Variants in HCN1 observed in about 807,000 individuals in gnomAD.
The protein encoded by HCN1 is hyperpolarization activated cyclic nucleotide gated potassium channel 1.
HCN1 carries 13 observed loss-of-function variants against 78.9 expected under a neutral mutation model. The ratio of observed to expected loss-of-function variants is 0.16; its 90% confidence interval spans 0.11 to 0.26. The LOEUF (loss-of-function observed/expected upper bound fraction) is 0.26, where lower values mean the gene tolerates loss of function less well. HCN1 is among the 10% of genes least tolerant of loss of function. The probability of loss-of-function intolerance (pLI) is 1.00; values close to 1 mark genes in which losing one functional copy is unlikely to be tolerated. For missense variants in HCN1, 810 were observed against 1,154.3 expected (o/e 0.70, Z 4.32); for synonymous variants, 552 against 455.5 (o/e 1.21, Z -2.70).
At chr5:45,375,138 A>G (rs1191972598) in intron 4 of HCN1, among the ~76,000 whole-genome samples, 1 of 121,082 alleles carries the variant, frequency 8.3e-6, no homozygotes. Context: ...AATATATTTT[A>G]TAATATATAA....
At chr5:45,437,868 A>T (rs1740587472) in intron 3 of HCN1, among the ~76,000 whole-genome samples, 1 of 152,204 alleles carries the variant, frequency 6.6e-6, no homozygotes, top group Non-Finnish European at 1.5e-5. Context: ...CTTCTGACAG[A>T]GTCAGTACAG....
At chr5:45,314,398 T>C (rs1308623386) in intron 5 of HCN1, among the ~76,000 whole-genome samples, 1 of 152,114 alleles carries the variant, frequency 6.6e-6, no homozygotes, top group Non-Finnish European at 1.5e-5. Context: ...GTACCAGCCA[T>C]TGCAAAAACA....
chr5:45,367,118 G>T (rs1747253531), intron 4 of HCN1, among the ~76,000 whole-genome samples: 1 of 151,746 alleles, frequency 6.6e-6, no homozygotes, highest in Non-Finnish European at 1.5e-5. Flanking sequence ...GTTATTAGAA[G>T]AAAGTGCAAA....
At chr5:45,622,259 GA>G (rs1745082592) in intron 2 of HCN1, among the ~76,000 whole-genome samples, 1 of 151,734 alleles carries the variant, frequency 6.6e-6, no homozygotes, top group Admixed American at 6.6e-5. Flanking sequence ...AAAAAGAAAA[GA>G]AAGTAAATAA....
intron 6 of HCN1, among the ~76,000 whole-genome samples, chr5:45,280,266 T>C (rs568054526): frequency 3.3e-5 from 5 of 152,158 alleles, no homozygotes; most frequent in East Asian, 1.9e-4. Context: ...GACAGAAAGA[T>C]GAAAGACAAC....
At chr5:45,657,877 T>C (rs998714535) in intron 1 of HCN1, among the ~76,000 whole-genome samples, 1 of 152,148 alleles carries the variant, frequency 6.6e-6, no homozygotes, top group African/African-American at 2.4e-5. Flanking sequence ...CTTCACAGAA[T>C]TGGAAAAAAC....
At chr5:45,460,487 G>A (rs1400977547) in intron 3 of HCN1, among the ~76,000 whole-genome samples, 1 of 152,002 alleles carries the variant, frequency 6.6e-6, no homozygotes, top group Non-Finnish European at 1.5e-5. Flanking sequence ...GACACCACTG[G>A]AAATACAGGA....
At chr5:45,459,596 T>C (rs1212902146) in intron 3 of HCN1, among the ~76,000 whole-genome samples, 1 of 152,098 alleles carries the variant, frequency 6.6e-6, no homozygotes, top group Non-Finnish European at 1.5e-5. Flanking sequence ...AGAATTTTTT[T>C]CAATAAATGT....
intron 2 of HCN1, among the ~76,000 whole-genome samples, chr5:45,565,904 G>A (rs1190249276): frequency 2.0e-5 from 3 of 152,086 alleles, no homozygotes; most frequent in Non-Finnish European, 4.4e-5. Flanking sequence ...ACACAGTTTT[G>A]AGAGAAAATT....
intron 2 of HCN1, among the ~76,000 whole-genome samples, chr5:45,508,085 C>T (rs1208979360): frequency 6.6e-6 from 1 of 151,888 alleles, no homozygotes; most frequent in Non-Finnish European, 1.5e-5. Context: ...AATTAAAGGA[C>T]AATAAAAATC....
chr5:45,514,473 C>T lies in HCN1; in HGVS notation c.850-52466G>A, dbSNP rs530730830. On this transcript the variant is annotated intron_variant, in intron 2 of 7. Coordinates refer to ENST00000303230, the MANE Select transcript of HCN1 (RefSeq NM_021072.4). ...TTCAAAACCTTTAAGGACTACTCTT[C>T]AAATAAAAATTAAGACCAAATTTCT... Among the ~76,000 whole-genome samples the T allele has an allele frequency of 6.7e-4, 102 of 152,238 alleles. 1 individual carries two copies. Among genetic ancestry groups the T allele is most frequent in the African/African-American group, 2.3e-3 (95 of 41,550 alleles).
chr5:45,268,005 G>A (rs1744894839), intron 6 of HCN1, among the ~76,000 whole-genome samples: 1 of 152,160 alleles, frequency 6.6e-6, no homozygotes, highest in South Asian at 2.1e-4. Flanking sequence ...GAAAGCAGAT[G>A]GTATAATCTA....
At chr5:45,536,768 T>G (rs1480021440) in intron 2 of HCN1, among the ~76,000 whole-genome samples, 1 of 152,218 alleles carries the variant, frequency 6.6e-6, no homozygotes, top group Non-Finnish European at 1.5e-5. Context: ...AATAATAAAT[T>G]GAAAGAAAAT....
chr5:45,614,123 T>G (rs17344896), intron 2 of HCN1, among the ~76,000 whole-genome samples: 1 of 152,140 alleles, frequency 6.6e-6, no homozygotes, highest in Non-Finnish European at 1.5e-5. Context: ...CTGTTGTTCA[T>G]GTGATACTCA....
At chr5:45,360,198 A>G (rs1747084322) in intron 4 of HCN1, among the ~76,000 whole-genome samples, 1 of 151,620 alleles carries the variant, frequency 6.6e-6, no homozygotes, top group Non-Finnish European at 1.5e-5. Context: ...ATGGTTTCTG[A>G]AGAGGTATTT....
chr5:45,310,107 C>A (rs1042281812), intron 5 of HCN1, among the ~76,000 whole-genome samples: 4 of 151,886 alleles, frequency 2.6e-5, no homozygotes, highest in African/African-American at 9.7e-5. Context: ...TAAACACGAG[C>A]AAAGATTTTA....
At chr5:45,302,575 C>A (rs1302004115) in intron 6 of HCN1, among the ~76,000 whole-genome samples, 1 of 151,696 alleles carries the variant, frequency 6.6e-6, no homozygotes, top group African/African-American at 2.4e-5. Context: ...GTCTTTGACC[C>A]AGTAAATCAA....
chr5:45,649,692 A>G (rs990794295), intron 1 of HCN1, among the ~76,000 whole-genome samples: 16 of 152,048 alleles, frequency 1.1e-4, no homozygotes, highest in Admixed American at 3.9e-4. Context: ...CAAGTTATTT[A>G]AAGTTCAAAA....
intron 2 of HCN1, chr5:45,559,513 C>T (rs1346305084): frequency 1.3e-5 from 2 of 152,108 alleles, no homozygotes; most frequent in African/African-American, 2.4e-5. Context: ...GGGTTCAAGA[C>T]TTTAGTGGAG....
Sources: allele counts gnomAD v4.1 joint callset (sites outside exome capture counted in the v4.1 genomes callset), GRCh38; gene constraint gnomAD v4.1.1; transcripts MANE v1.5; gene names NCBI Gene and HGNC (gene_info 2026-07-23, HGNC 2026-07-21).